The following DPP4 variants were observed in gnomAD, a reference collection of about 807,000 sequenced individuals.
The protein encoded by DPP4 is ADCP-2.
Under a neutral mutation model 122.4 loss-of-function variants are expected in DPP4, and 93 were observed. The ratio of observed to expected loss-of-function variants is 0.76; its 90% CI spans 0.64 to 0.90. The LOEUF (loss-of-function observed/expected upper bound fraction) is 0.90, where lower values mean the gene tolerates loss of function less well. Among genes scored for constraint, DPP4 ranks in the 40% least tolerant of loss-of-function variants. The pLI is 0.00. For synonymous variants in DPP4, 321 were observed against 302.9 expected (o/e 1.06, Z -0.62); for missense variants, 914 against 907.3 (o/e 1.01, Z -0.09).
intron 23 of DPP4, among the ~76,000 whole-genome samples, chr2:161,996,979 G>A (rs1321114942): frequency 1.3e-5 from 2 of 152,082 alleles, no homozygotes; most frequent in African/African-American, 4.8e-5. Context: ...ATTTTTAGGG[G>A]GTTAAATTTC....
chr2:162,033,936 A>T (rs1028896530), intron 9 of DPP4, among the ~76,000 whole-genome samples: 2 of 144,844 alleles, frequency 1.4e-5, no homozygotes, highest in African/African-American at 2.5e-5. Flanking sequence ...CTTCTGTTTA[A>T]ATAATGAATG....
intron 8 of DPP4, among the ~76,000 whole-genome samples, chr2:162,036,763 T>C (rs560123620): frequency 3.3e-5 from 5 of 152,344 alleles, no homozygotes; most frequent in African/African-American, 1.2e-4. Flanking sequence ...TGGTGATTCA[T>C]AGCTCATTGC....
chr2:162,044,401 TGTGAGTGTTGGTGTGTGAGTGTTGGTGG>T (rs1684101983), intron 5 of DPP4, among the ~76,000 whole-genome samples: 1 of 151,342 alleles, frequency 6.6e-6, no homozygotes, highest in Non-Finnish European at 1.5e-5. Context: ...AGTGTTGGTG[TGTGAGTGTTGGTGTGTGAGTGTTGGTGG>T]GTGAGTGTTG....
At chr2:162,041,834 T>G (rs1683997863) in intron 5 of DPP4, among the ~76,000 whole-genome samples, 1 of 152,188 alleles carries the variant, frequency 6.6e-6, no homozygotes, top group Non-Finnish European at 1.5e-5. Context: ...TATCAGACAT[T>G]ACTGGATAAC....
rs1206911006 is a variant in DPP4, at chr2:162,022,858, C to G, written c.1024-59G>C. ...AAGAGAAGTCAGATGAAATCTATAG[C>G]CATAATTTGTGGTAATATAAATAGA... On this transcript the variant is annotated intron_variant, in intron 11 of 25. Coordinates refer to ENST00000360534, the MANE Select transcript of DPP4 (RefSeq NM_001935.4). The G allele has an allele frequency of 2.6e-6, 4 of 1,554,724 alleles. No individual in the cohort carries two copies. In the Admixed American group the frequency reaches 5.0e-5, roughly 19 times the overall value.
chr2:162,043,468 C>T (rs1191203672), intron 5 of DPP4, among the ~76,000 whole-genome samples: 1 of 152,158 alleles, frequency 6.6e-6, no homozygotes, highest in Non-Finnish European at 1.5e-5. Flanking sequence ...GTGAAAAAAG[C>T]AAAAGCAGTT....
intron 5 of DPP4, among the ~76,000 whole-genome samples, chr2:162,044,376 T>G (rs1046712495): frequency 6.6e-6 from 1 of 152,004 alleles, no homozygotes; most frequent in African/African-American, 2.4e-5. Flanking sequence ...ATGGTTTGCT[T>G]GGCCTGAGTA....
At chr2:162,059,879 GAAT>G (rs57952646) in intron 2 of DPP4, among the ~76,000 whole-genome samples, 289 of 152,300 alleles carry the variant, frequency 1.9e-3, no homozygotes, top group African/African-American at 6.8e-3. Flanking sequence ...AACATATAAA[GAAT>G]AATAATTACG....
intron 2 of DPP4, among the ~76,000 whole-genome samples, chr2:162,054,074 C>T (rs1224843574): frequency 6.6e-6 from 1 of 152,162 alleles, no homozygotes; most frequent in Non-Finnish European, 1.5e-5. Flanking sequence ...CCAACCCCCA[C>T]CCTAGCATGT....
chr2:162,060,764 G>A (rs1219192994), intron 2 of DPP4, among the ~76,000 whole-genome samples: 3 of 152,066 alleles, frequency 2.0e-5, no homozygotes, highest in Non-Finnish European at 2.9e-5. Context: ...CTTCCTCCCC[G>A]ATCATTCCAC....
intron 2 of DPP4, among the ~76,000 whole-genome samples, chr2:162,061,037 C>T (rs1409072425): frequency 7.6e-6 from 1 of 131,920 alleles, no homozygotes; most frequent in Non-Finnish European, 1.6e-5. Flanking sequence ...TCCTTCCTTC[C>T]TCTTTCTCTT....
chr2:162,003,195 C>T (rs537251632), intron 23 of DPP4, among the ~76,000 whole-genome samples: 4 of 152,228 alleles, frequency 2.6e-5, no homozygotes, highest in South Asian at 2.1e-4. Flanking sequence ...ACCCAGTGTG[C>T]GTGTGTTGCC....
chr2:162,006,013 C>T (rs1372933339), intron 22 of DPP4, among the ~76,000 whole-genome samples: 1 of 152,126 alleles, frequency 6.6e-6, no homozygotes, highest in Admixed American at 6.6e-5. Flanking sequence ...ACTTGGTTTG[C>T]TAATATAGCC....
chr2:162,015,467 T>A (rs190684728), intron 18 of DPP4, among the ~76,000 whole-genome samples: 7 of 152,234 alleles, frequency 4.6e-5, no homozygotes, highest in African/African-American at 1.7e-4. Flanking sequence ...GACCATGATA[T>A]TTTTAATGAA....
intron 10 of DPP4, chr2:162,032,044 C>G (rs1333606300): frequency 6.6e-6 from 1 of 152,198 alleles, no homozygotes; most frequent in East Asian, 1.9e-4. Flanking sequence ...CCACGGAGCA[C>G]AGCCCACAGC....
At chr2:162,000,410 ACC>A (rs1701118188) in intron 23 of DPP4, among the ~76,000 whole-genome samples, 1 of 152,124 alleles carries the variant, frequency 6.6e-6, no homozygotes, top group South Asian at 2.1e-4. Flanking sequence ...AGGGGGCTCC[ACC>A]TCAGGCCTCA....
At chr2:162,029,288 C>T (rs1307661320) in intron 10 of DPP4, among the ~76,000 whole-genome samples, 1 of 152,176 alleles carries the variant, frequency 6.6e-6, no homozygotes, top group East Asian at 1.9e-4. Flanking sequence ...TATTTATCAT[C>T]AACTGGAAAT....
At chr2:162,031,431 C>T (rs1683547602) in intron 10 of DPP4, among the ~76,000 whole-genome samples, 1 of 152,198 alleles carries the variant, frequency 6.6e-6, no homozygotes, top group Non-Finnish European at 1.5e-5. Context: ...AGTTTATAAA[C>T]CATTGATAAG....
rs1165158460 is a variant in DPP4 at position 161,995,317 on chromosome 2, A to G, written c.2108T>C (p.Ile703Thr). Residue 703 changes from isoleucine to threonine, a missense_variant, in exon 24 of 26, where the codon ATT (isoleucine) becomes ACT (threonine). Ile to Thr is a moderately conservative substitution (Grantham distance 89). Transcript: ENST00000360534. The part of the protein sequence containing the change: ...ENFKQVEYLL[I>T]HGTADDNVHF... ...AAACTCACCATCTGCTGTTCCATGAATAAGGAGGTACTCAACTTGTTTAAA... is the reference window on the plus strand; with the variant it reads ...AAACTCACCATCTGCTGTTCCATGAGTAAGGAGGTACTCAACTTGTTTAAA... 6.2e-7 allele frequency: 1 copy of G among 1,614,054 alleles called. No individual in the cohort carries two copies. Among genetic ancestry groups the G allele is most frequent in the Non-Finnish European group, 8.5e-7 (1 of 1,179,910 alleles).
Sources: gnomAD v4.1 joint callset for allele counts (sites outside exome capture counted in the v4.1 genomes callset) on GRCh38, gnomAD v4.1.1 for gene constraint, MANE v1.5 for transcripts, NCBI Gene and HGNC (gene_info 2026-07-23, HGNC 2026-07-21) for gene names.